Variants in IL2RA observed in about 807,000 individuals in gnomAD.
IL2RA encodes the protein interleukin-2 receptor subunit alpha.
IL2RA carries 24 observed loss-of-function variants against 37.8 expected under a neutral mutation model. The ratio of observed to expected loss-of-function variants is 0.63; its 90% CI spans 0.46 to 0.89. The LOEUF is 0.89. IL2RA is among the 40% of genes least tolerant of loss of function. The pLI is 0.00. For synonymous variants in IL2RA, 125 were observed against 114.6 expected (o/e 1.09, Z -0.58); for missense variants, 319 against 348.6 (o/e 0.92, Z 0.68).
Position 6,025,032 on chromosome 10 carries a change from A to C in IL2RA, c.257-678T>G, listed in dbSNP as rs1839457178. Among the ~76,000 whole-genome samples, 1 of 152,228 alleles carries C rather than the reference A, an allele frequency of 6.6e-6. No individual in the cohort carries two copies. The highest frequency in any genetic ancestry group is 1.5e-5 in the Non-Finnish European group (1 of 68,042). On this transcript the variant is annotated intron_variant, in intron 2 of 7. Transcript: ENST00000379959. This position sits in a 1 kb window ranked among gnomAD's most constrained non-coding sequence, Gnocchi z 4.4. ...AGGACTGCTTGAGCCCAGGAGTTTA[A>C]GACCAGCCTGGACAACATGGGGAAA...
chr10:6,048,231 G>A lies in IL2RA; in HGVS notation c.64+13857C>T, dbSNP rs186457206. On this transcript the variant is annotated intron_variant, in intron 1 of 7. Coordinates refer to ENST00000379959, the MANE Select transcript of IL2RA (RefSeq NM_000417.3). This position sits in a 1 kb window ranked among gnomAD's most constrained non-coding sequence, Gnocchi z 5.3. ...AGAAGAGGGGTTGCTGGCGTTAAGA[G>A]ATTTTAGAAGTTGGAATTGCCAAAA... 1.3e-5 allele frequency among the ~76,000 whole-genome samples: 2 copies of A among 152,330 alleles called. No individual in the cohort carries two copies. Among genetic ancestry groups the A allele is most frequent in the Admixed American group, 6.5e-5 (1 of 15,302 alleles).
rs771939819 is a variant in IL2RA at position 6,019,991 on chromosome 10, G to T, written c.584-50C>A. Reference sequence around the variant, plus strand: ...GGTGGAGCTAAACACAGGAGTCAGGGCCTCACTCCCACCCCGCCTGCCCCA... The same window carrying T: ...GGTGGAGCTAAACACAGGAGTCAGGTCCTCACTCCCACCCCGCCTGCCCCA... On this transcript the variant is annotated intron_variant, in intron 4 of 7. Coordinates refer to ENST00000379959, the MANE Select transcript of IL2RA (RefSeq NM_000417.3). 4.0e-6 allele frequency: 6 copies of T among 1,493,410 alleles called. No homozygotes were observed. The African/African-American group carries it at 8.3e-5, about 21-fold the overall frequency. 92.5% of individuals were successfully genotyped at this position (1,493,410 alleles called of 1,614,324 possible).
intron 1 of IL2RA, among the ~76,000 whole-genome samples, chr10:6,026,330 G>A (rs933391264): frequency 2.0e-5 from 3 of 152,206 alleles, no homozygotes; most frequent in Admixed American, 6.5e-5. Flanking sequence ...ATGGAGAGAG[G>A]AGGGTCAAGG....
In IL2RA at chr10:6,018,275, G is replaced by A. The variant is rs1045111423; in HGVS notation, c.728-156C>T. Among the ~76,000 whole-genome samples, 1 of 152,052 alleles carries A rather than the reference G, an allele frequency of 6.6e-6. No homozygotes were observed. Among genetic ancestry groups the A allele is most frequent in the African/African-American group, 2.4e-5 (1 of 41,386 alleles). Reference sequence around the variant, plus strand: ...CTCAGGAAGTAGGTCCCTCCCCATGGGATTTCCTAGGAGTCTTGAGGAACA... The same window carrying A: ...CTCAGGAAGTAGGTCCCTCCCCATGAGATTTCCTAGGAGTCTTGAGGAACA... On this transcript the variant is annotated intron_variant, in intron 6 of 7. Transcript: ENST00000379959. The surrounding 1 kb of genome is among the most constrained non-coding windows in gnomAD (Gnocchi z 5.1).
intron 1 of IL2RA, among the ~76,000 whole-genome samples, chr10:6,059,669 C>T (rs1017909023): frequency 6.6e-6 from 1 of 152,136 alleles, no homozygotes; most frequent in African/African-American, 2.4e-5. Flanking sequence ...CTGTCCAGGG[C>T]AGGAGCACAT....
rs1839399375 is a variant in IL2RA, at chr10:6,022,182, G to A, written c.368-489C>T. The stretch of plus-strand genomic sequence containing the variant: ...CAAGTGAGGAAGTGCATTCTTGGGG[G>A]CAGCGGCTGGGCATCTTGGGATGAT... On this transcript the variant is annotated intron_variant, in intron 3 of 7. Transcript: ENST00000379959. This position sits in a 1 kb window ranked among gnomAD's most constrained non-coding sequence, Gnocchi z 4.7. Among the ~76,000 whole-genome samples the A allele has an allele frequency of 1.3e-5, 2 of 152,144 alleles. No homozygotes were observed. Among genetic ancestry groups the A allele is most frequent in the Admixed American group, 1.3e-4 (2 of 15,276 alleles).
Position 6,022,105 on chromosome 10 carries a change from C to T in IL2RA, c.368-412G>A, listed in dbSNP as rs1408173954. ...CTCAGCTGAGACACAAGGGTAGGCT[C>T]AAGCCTATTTGGGCCAATGGAGCAT... On this transcript the variant is annotated intron_variant, in intron 3 of 7. Coordinates refer to ENST00000379959, the MANE Select transcript of IL2RA (RefSeq NM_000417.3). This position sits in a 1 kb window ranked among gnomAD's most constrained non-coding sequence, Gnocchi z 4.7. Among the ~76,000 whole-genome samples the T allele has an allele frequency of 2.0e-5, 3 of 151,982 alleles. No individual in the cohort carries two copies. Among genetic ancestry groups the T allele is most frequent in the African/African-American group, 7.3e-5 (3 of 41,368 alleles).
intron 1 of IL2RA, among the ~76,000 whole-genome samples, chr10:6,051,517 A>ATT (rs1206402104): frequency 6.6e-4 from 67 of 100,850 alleles, no homozygotes; most frequent in African/African-American, 1.9e-3. Flanking sequence ...ATATATATAT[A>ATT]TTTTTTTTCT....
rs1839321529 is a variant in IL2RA at position 6,018,745 on chromosome 10, T to A, written c.728-626A>T. On this transcript the variant is annotated intron_variant, in intron 6 of 7. Coordinates refer to ENST00000379959, the MANE Select transcript of IL2RA (RefSeq NM_000417.3). This position sits in a 1 kb window ranked among gnomAD's most constrained non-coding sequence, Gnocchi z 5.1. ...GACTTTGCTCACAGCATCCTGTAAC[T>A]GGTTCATGCGAATTCTGAGTTACGT... is the stretch of plus-strand genomic sequence containing the variant. Among the ~76,000 whole-genome samples the A allele has an allele frequency of 6.6e-6, 1 of 152,208 alleles. No homozygotes were observed. Among genetic ancestry groups the A allele is most frequent in the Admixed American group, 6.5e-5 (1 of 15,282 alleles).
rs1589289982 is a variant in IL2RA at position 6,015,638 on chromosome 10, A to G, written c.794+2415T>C. On this transcript the variant is annotated intron_variant, in intron 7 of 7. Coordinates refer to ENST00000379959, the MANE Select transcript of IL2RA (RefSeq NM_000417.3). This position sits in a 1 kb window ranked among gnomAD's most constrained non-coding sequence, Gnocchi z 4.9. ...ATATATATTTATGAGGTATGTAGGGATGCTTTGATACCTACAAGGTACAGT... is the reference window on the plus strand; with the variant it reads ...ATATATATTTATGAGGTATGTAGGGGTGCTTTGATACCTACAAGGTACAGT... Among the ~76,000 whole-genome samples the G allele has an allele frequency of 6.6e-6, 1 of 152,330 alleles. No individual in the cohort carries two copies. The highest frequency in any genetic ancestry group is 1.5e-5 in the Non-Finnish European group (1 of 68,034).
chr10:6,026,662 A>G (rs938789233), intron 1 of IL2RA, among the ~76,000 whole-genome samples: 6 of 152,248 alleles, frequency 3.9e-5, no homozygotes, highest in African/African-American at 1.2e-4. Context: ...AAACTATTAA[A>G]AGGAAAAGTG....
intron 7 of IL2RA, among the ~76,000 whole-genome samples, 195 bp downstream of exon 7, chr10:6,017,858 G>A (rs992265617): frequency 6.6e-5 from 10 of 152,116 alleles, no homozygotes; most frequent in Non-Finnish European, 1.0e-4. Flanking sequence ...GATTACCAGC[G>A]TGAGCCACTG....
At chr10:6,017,942 C>T in intron 7 of IL2RA, 111 bp downstream of exon 7, 1 of 830,448 alleles carries the variant, frequency 1.2e-6, no homozygotes, top group Non-Finnish European at 2.0e-6. Flanking sequence ...TTGCCACTCC[C>T]TGAACTGCAG....
Position 6,057,231 on chromosome 10 carries a change from G to A in IL2RA, c.64+4857C>T, listed in dbSNP as rs1235513728. 1.3e-5 allele frequency among the ~76,000 whole-genome samples: 2 copies of A among 152,194 alleles called. No homozygotes were observed. The highest frequency in any genetic ancestry group is 4.8e-5 in the African/African-American group (2 of 41,450). ...ATATTGGATAGATTTTGAGAATTGA[G>A]TGAGTGGAGTTTTTGCGTTGACACC... On this transcript the variant is annotated intron_variant, in intron 1 of 7. Coordinates refer to ENST00000379959, the MANE Select transcript of IL2RA (RefSeq NM_000417.3). This position sits in a 1 kb window ranked among gnomAD's most constrained non-coding sequence, Gnocchi z 4.8.
chr10:6,042,397 T>C (rs1839786314), intron 1 of IL2RA, among the ~76,000 whole-genome samples: 1 of 151,942 alleles, frequency 6.6e-6, no homozygotes, highest in African/African-American at 2.4e-5. Flanking sequence ...CAATAGACAG[T>C]AGACACTGAA....
chr10:6,053,177 C>T (rs1839991447), intron 1 of IL2RA, among the ~76,000 whole-genome samples: 1 of 152,188 alleles, frequency 6.6e-6, no homozygotes, highest in South Asian at 2.1e-4. Flanking sequence ...GCAGTTTAGA[C>T]AGGAGGAAAA....
At chr10:6,038,273 T>A (rs1839721243) in intron 1 of IL2RA, among the ~76,000 whole-genome samples, 1 of 152,192 alleles carries the variant, frequency 6.6e-6, no homozygotes, top group African/African-American at 2.4e-5. Context: ...TACAAAGAGG[T>A]GGAGCTATGT....
rs1453903761 is a variant in IL2RA at position 6,011,689 on chromosome 10, T to G, written c.*1183A>C. ...TCCTGAGTGGCTAGGACTACAGGCGTATGCCACCACATCCAGCCAATTTCT... is the reference window on the plus strand; with the variant it reads ...TCCTGAGTGGCTAGGACTACAGGCGGATGCCACCACATCCAGCCAATTTCT... On this transcript the variant is annotated 3_prime_UTR_variant, in exon 8 of 8. Coordinates refer to ENST00000379959, the MANE Select transcript of IL2RA (RefSeq NM_000417.3). This position sits in a 1 kb window ranked among gnomAD's most constrained non-coding sequence, Gnocchi z 5.2. 6.6e-6 allele frequency: 1 copy of G among 152,336 alleles called. No homozygotes were observed. The highest frequency in any genetic ancestry group is 1.5e-5 in the Non-Finnish European group (1 of 68,202). The allele number at this position is 152,336 out of a possible 1,614,324, so 9.4% of individuals were successfully genotyped here.
chr10:6,033,308 C>T lies in IL2RA; in HGVS notation c.65-7283G>A, dbSNP rs910312948. 4.3e-4 allele frequency among the ~76,000 whole-genome samples: 64 copies of T among 148,986 alleles called. No homozygotes were observed. The highest frequency in any genetic ancestry group is 1.5e-3 in the African/African-American group (61 of 39,984). ...TCTGTCTCAAAAACAAACAAAGAAACAAACAAACAACAACAAAAAAAAAAC... is the reference window on the plus strand; with the variant it reads ...TCTGTCTCAAAAACAAACAAAGAAATAAACAAACAACAACAAAAAAAAAAC... On this transcript the variant is annotated intron_variant, in intron 1 of 7. Coordinates refer to ENST00000379959, the MANE Select transcript of IL2RA (RefSeq NM_000417.3). The surrounding 1 kb of genome is among the most constrained non-coding windows in gnomAD (Gnocchi z 4.3).
Sources: gnomAD v4.1 joint callset for allele counts (sites outside exome capture counted in the v4.1 genomes callset) on GRCh38, gnomAD v4.1.1 for gene constraint, Gnocchi (gnomAD v3.1) non-coding constraint, MANE v1.5 for transcripts, NCBI Gene and HGNC (gene_info 2026-07-23, HGNC 2026-07-21) for gene names.